GRIA1: variants seen among roughly 807,000 people sequenced by gnomAD.
GRIA1 encodes glutamate receptor 1.
In GRIA1, 31 loss-of-function variants were observed where a neutral mutation model predicts 99.2. That is an observed-to-expected ratio of 0.31 (90% CI 0.23 to 0.42). The LOEUF (loss-of-function observed/expected upper bound fraction) is 0.42. Ranked by LOEUF, GRIA1 falls within the 10% of genes least tolerant of loss-of-function variation. GRIA1 has a pLI of 1.00. For synonymous variants in GRIA1, 438 were observed against 432.4 expected (o/e 1.01, Z -0.16); for missense variants, 782 against 1,157.5 (o/e 0.68, Z 4.71).
At chr5:153,566,525 C>T (rs1370273716) in intron 2 of GRIA1, among the ~76,000 whole-genome samples, 1 of 150,796 alleles carries the variant, frequency 6.6e-6, no homozygotes, top group Non-Finnish European at 1.5e-5. Flanking sequence ...AGGTTGGTCT[C>T]GAACTCCTGA....
intron 10 of GRIA1, among the ~76,000 whole-genome samples, chr5:153,703,445 T>C (rs1460466289): frequency 1.3e-5 from 2 of 152,126 alleles, no homozygotes; most frequent in African/African-American, 4.8e-5. Flanking sequence ...GAACTAAGCT[T>C]TAGGACAATA....
rs57395601 is a variant in GRIA1, at chr5:153,600,391, C to CAAAAAA, written c.221-46517_221-46512dup. On this transcript the variant is annotated intron_variant, in intron 2 of 15. Transcript: ENST00000285900. ...TGGGCGACAGAGCGAGACTCCATCT[C>CAAAAAA]AAAAAAAAAAAAAAAAAAAAAAAAA... Among the ~76,000 whole-genome samples, 56 of 51,498 alleles carry CAAAAAA rather than the reference C, an allele frequency of 1.1e-3. 2 individuals carry two copies. Among genetic ancestry groups the CAAAAAA allele is most frequent in the Non-Finnish European group, 1.4e-3 (44 of 31,608 alleles). The allele number at this position is 51,498 out of a possible 152,430, so 33.8% of individuals were successfully genotyped here. A position where few individuals can be genotyped will look rare whatever the true frequency, so the allele number is the denominator to read the frequency against.
chr5:153,549,651 A>C (rs934022605), intron 2 of GRIA1, among the ~76,000 whole-genome samples: 1 of 152,192 alleles, frequency 6.6e-6, no homozygotes, highest in African/African-American at 2.4e-5. Context: ...CTGGGAAAGA[A>C]AACGATTTCC....
chr5:153,497,397 C>A (rs754328993), intron 2 of GRIA1, among the ~76,000 whole-genome samples: 3 of 152,144 alleles, frequency 2.0e-5, no homozygotes, highest in Non-Finnish European at 4.4e-5. Flanking sequence ...CAGCTTAATT[C>A]TTACCTTTTA....
intron 12 of GRIA1, among the ~76,000 whole-genome samples, chr5:153,769,056 C>T (rs1763708237): frequency 6.6e-6 from 1 of 152,202 alleles, no homozygotes. Flanking sequence ...GGAGGGAAGA[C>T]ATTCCCTCAG....
At chr5:153,508,515 A>G (rs1474344031) in intron 2 of GRIA1, among the ~76,000 whole-genome samples, 3 of 152,180 alleles carry the variant, frequency 2.0e-5, no homozygotes, top group Admixed American at 1.3e-4. Context: ...GAACAGAAAG[A>G]AGGCCAGTGG....
intron 2 of GRIA1, among the ~76,000 whole-genome samples, chr5:153,585,303 T>G (rs1158417418): frequency 7.9e-5 from 5 of 63,408 alleles, no homozygotes; most frequent in Non-Finnish European, 2.8e-4. Flanking sequence ...CTCTCTCTTT[T>G]TTTTTTTTTT....
At chr5:153,735,841 T>C (rs991256118) in intron 11 of GRIA1, among the ~76,000 whole-genome samples, 2 of 152,194 alleles carry the variant, frequency 1.3e-5, no homozygotes, top group Non-Finnish European at 2.9e-5. Context: ...AGAATGGTGA[T>C]GTATTTTACT....
chr5:153,752,942 G>T (rs997418975), intron 11 of GRIA1, among the ~76,000 whole-genome samples: 2 of 152,134 alleles, frequency 1.3e-5, no homozygotes, highest in Non-Finnish European at 2.9e-5. Flanking sequence ...AAATGAGAAG[G>T]ATTTGACACC....
chr5:153,726,949 A>G (rs1451064166), intron 11 of GRIA1, among the ~76,000 whole-genome samples: 3 of 152,208 alleles, frequency 2.0e-5, no homozygotes, highest in Non-Finnish European at 4.4e-5. Context: ...AGAATTTTAG[A>G]CCAACATCCT....
chr5:153,741,269 C>A (rs1394162715), intron 11 of GRIA1, among the ~76,000 whole-genome samples: 1 of 152,090 alleles, frequency 6.6e-6, no homozygotes, highest in Non-Finnish European at 1.5e-5. Flanking sequence ...CCACCGCTCC[C>A]GGCCAGAAAT....
chr5:153,533,543 C>T (rs1758278480), intron 2 of GRIA1, among the ~76,000 whole-genome samples: 1 of 152,178 alleles, frequency 6.6e-6, no homozygotes, highest in South Asian at 2.1e-4. Flanking sequence ...AACCCCTTCA[C>T]CTCTTCTCAA....
intron 11 of GRIA1, among the ~76,000 whole-genome samples, chr5:153,725,831 C>T (rs1347307629): frequency 2.2e-5 from 3 of 135,374 alleles, no homozygotes; most frequent in Admixed American, 1.5e-4. Flanking sequence ...GACAGATCAA[C>T]GAGACAGAAA....
At chr5:153,618,584 C>T (rs1010556179) in intron 2 of GRIA1, among the ~76,000 whole-genome samples, 3 of 152,168 alleles carry the variant, frequency 2.0e-5, no homozygotes, top group South Asian at 4.2e-4. Flanking sequence ...TCAGGCTCAC[C>T]ACGTATGGAG....
intron 2 of GRIA1, among the ~76,000 whole-genome samples, chr5:153,607,293 T>G (rs1268509026): frequency 6.6e-6 from 1 of 151,822 alleles, no homozygotes; most frequent in African/African-American, 2.4e-5. Context: ...ATTGAGGGGT[T>G]GGTTTTGACT....
chr5:153,681,265 C>T (rs1756952242), intron 7 of GRIA1, among the ~76,000 whole-genome samples: 1 of 152,110 alleles, frequency 6.6e-6, no homozygotes, highest in African/African-American at 2.4e-5. Context: ...GGGGAGGGCG[C>T]CAAGCCATTC....
chr5:153,642,927 G>T (rs966207272), intron 2 of GRIA1, among the ~76,000 whole-genome samples: 2 of 152,080 alleles, frequency 1.3e-5, no homozygotes, highest in Non-Finnish European at 2.9e-5. Flanking sequence ...TAACACTTAA[G>T]ACTCCAAATG....
chr5:153,578,658 C>T (rs1470007176), intron 2 of GRIA1, among the ~76,000 whole-genome samples: 1 of 152,178 alleles, frequency 6.6e-6, no homozygotes, highest in Non-Finnish European at 1.5e-5. Context: ...CCTGTAATCC[C>T]AGCACTTTGG....
intron 2 of GRIA1, among the ~76,000 whole-genome samples, chr5:153,502,943 ACC>A (rs1755149527): frequency 6.6e-6 from 1 of 152,140 alleles, no homozygotes; most frequent in Non-Finnish European, 1.5e-5. Context: ...CCTTTTTTGA[ACC>A]TAACAATTTA....
Sources: allele counts gnomAD v4.1 joint callset (sites outside exome capture counted in the v4.1 genomes callset), GRCh38; gene constraint gnomAD v4.1.1; transcripts MANE v1.5; gene names NCBI Gene and HGNC (gene_info 2026-07-23, HGNC 2026-07-21).